The following YBX1 variants were observed in gnomAD, a reference collection of about 807,000 sequenced individuals.
YBX1 encodes Y-box binding protein 1.
Under a neutral mutation model 41.4 loss-of-function variants are expected in YBX1, and 3 were observed. The observed-to-expected ratio is 0.07, with a 90% CI of 0.03 to 0.19. YBX1 has a LOEUF of 0.19. YBX1 is among the 10% of genes least tolerant of loss of function. The probability of loss-of-function intolerance (pLI) is 1.00; values close to 1 mark genes in which losing one functional copy is unlikely to be tolerated. For synonymous variants in YBX1, 133 were observed against 165.8 expected, an observed-to-expected ratio of 0.80 and a Z score of 1.52; for missense variants, 274 against 462.8, an observed-to-expected ratio of 0.59 and a Z score of 3.74.
At chr1:42,698,707 C>T (rs1650520345) in intron 6 of YBX1, among the ~76,000 whole-genome samples, 1 of 152,118 alleles carries the variant, frequency 6.6e-6, no homozygotes, top group Non-Finnish European at 1.5e-5. Flanking sequence ...GTATCTTTGT[C>T]CATTGTTACC....
At chr1:42,690,261 A>G (rs1650297597) in intron 2 of YBX1, among the ~76,000 whole-genome samples, 1 of 140,012 alleles carries the variant, frequency 7.1e-6, no homozygotes, top group South Asian at 2.3e-4. Context: ...TTTTTTTTTT[A>G]AGATCTGCAA....
intron 6 of YBX1, among the ~76,000 whole-genome samples, chr1:42,700,033 G>A (rs1401802528): frequency 1.3e-5 from 2 of 152,168 alleles, no homozygotes; most frequent in East Asian, 3.9e-4. Context: ...TTTAGAAACT[G>A]GGAGAGTTGA....
At chr1:42,684,355 C>G (rs140389605) in intron 2 of YBX1, among the ~76,000 whole-genome samples, 1 of 152,350 alleles carries the variant, frequency 6.6e-6, no homozygotes, top group African/African-American at 2.4e-5. Context: ...GTGCTAGTTA[C>G]ATGGGTGCAG....
chr1:42,683,310 G>A (rs1557527375), intron 1 of YBX1, 93 bp from the exon 2 acceptor site: 3 of 1,484,904 alleles, frequency 2.0e-6, no homozygotes, highest in East Asian at 4.5e-5. Flanking sequence ...GGCCGCGGCG[G>A]CCGGCGTGCG....
chr1:42,683,007 C>G (rs1334953586), intron 1 of YBX1: 1 of 260,448 alleles, frequency 3.8e-6, no homozygotes, highest in South Asian at 3.3e-5. Flanking sequence ...ACGGGGTCCC[C>G]TCCCCGCCGA....
At chr1:42,690,960 CTG>C (rs1650314711) in intron 2 of YBX1, among the ~76,000 whole-genome samples, 1 of 152,280 alleles carries the variant, frequency 6.6e-6, no homozygotes, top group South Asian at 2.1e-4. Flanking sequence ...GAGAGAAAAA[CTG>C]AACAGAAAAG....
chr1:42,701,462 G>A (rs944570299), intron 7 of YBX1, among the ~76,000 whole-genome samples: 1 of 151,718 alleles, frequency 6.6e-6, no homozygotes, highest in Non-Finnish European at 1.5e-5. Context: ...TAACCTAGAT[G>A]GTGACAAATA....
intron 6 of YBX1, among the ~76,000 whole-genome samples, chr1:42,698,851 C>T (rs768894438): frequency 7.2e-5 from 11 of 152,164 alleles, no homozygotes; most frequent in Non-Finnish European, 1.3e-4. Flanking sequence ...TCAATGAATG[C>T]TAGACTTTCC....
At chr1:42,691,898 G>A (rs1215739321) in intron 2 of YBX1, among the ~76,000 whole-genome samples, 3 of 151,668 alleles carry the variant, frequency 2.0e-5, no homozygotes, top group Non-Finnish European at 2.9e-5. Flanking sequence ...ATCTCACTCT[G>A]TTGCCCAGGC....
rs1034762350 is a variant in YBX1 at position 42,693,412 on chromosome 1, GTC to G, written c.231-74_231-73del. ...CTGGTACCTAATTGGCAGCCAGAGA[GTC>G]TCTGGGAAAATTAATCTTTGACAAC... is the stretch of plus-strand genomic sequence containing the variant. On this transcript the variant is annotated intron_variant, in intron 2 of 7. Transcript: ENST00000321358. The G allele has an allele frequency of 2.7e-5, 41 of 1,537,704 alleles. No homozygotes were observed. The African/African-American group carries it at 5.2e-4, about 19-fold the overall frequency.
Position 42,700,973 on chromosome 1 carries a change from G to A in YBX1, c.933G>A (p.Glu311=). The change falls in exon 7 of 8, where the codon GAG becomes GAA. Residue 311 remains glutamate, a synonymous_variant. Coordinates refer to ENST00000321358, the MANE Select transcript of YBX1 (RefSeq NM_004559.5). ...CAAAAGCAGCCGATCCACCAGCTGA[G>A]AATTCGTCCGCTCCCGAGGCTGAGC... ...KETKAADPPA[E]NSSAPEAEQG... is the part of the protein sequence containing the mutation. 6.2e-7 allele frequency: 1 copy of A among 1,614,162 alleles called. No homozygotes were observed. Among genetic ancestry groups the A allele is most frequent in the East Asian group, 2.2e-5 (1 of 44,888 alleles).
chr1:42,701,036 C>T lies in YBX1; in HGVS notation c.*21C>T, dbSNP rs775917560. Reference sequence around the variant, plus strand: ...AGTAAATGCCGGCTTACCATCTCTACCATCATCCGGGTAAGCAAGCTTGGA... The same window carrying T: ...AGTAAATGCCGGCTTACCATCTCTATCATCATCCGGGTAAGCAAGCTTGGA... On this transcript the variant is annotated 3_prime_UTR_variant, in exon 7 of 8. Transcript: ENST00000321358. 2 of 1,612,464 alleles carry T rather than the reference C, an allele frequency of 1.2e-6. No individual in the cohort carries two copies. Among genetic ancestry groups the T allele is most frequent in the Non-Finnish European group, 1.7e-6 (2 of 1,178,544 alleles).
rs138790035 is a variant in YBX1, at chr1:42,690,582, T to C, written c.231-2908T>C. On this transcript the variant is annotated intron_variant, in intron 2 of 7. Transcript: ENST00000321358. The stretch of plus-strand genomic sequence containing the variant: ...GCAAATCTAATTGTACATATGTATG[T>C]GTCAGACTGTGCAGGTGGCCAAGAA... Among the ~76,000 whole-genome samples, 55 of 152,326 alleles carry C rather than the reference T, an allele frequency of 3.6e-4. No homozygotes were observed. The East Asian group carries it at 0.01, about 29-fold the overall frequency.
rs772779381 is a variant in YBX1, at chr1:42,683,405, A to G, written c.169A>G (p.Thr57Ala). 37 of 1,614,098 alleles carry G rather than the reference A, an allele frequency of 2.3e-5. No individual in the cohort carries two copies. Among genetic ancestry groups the G allele is most frequent in the East Asian group, 8.9e-5 (4 of 44,898 alleles). ...PAGGDKKVIA[T>A]KVLGTVKWFN... ...TTTTGCTTTGTTTTCTTTTCCAGCA[A>G]CGAAGGTTTTGGGAACAGTAAAATG... The change falls in exon 2 of 8, where the codon ACG becomes GCG. Residue 57 changes from threonine (T) to alanine (A), a missense_variant and splice_region_variant. Around this residue, in one of 3 missense-constraint regions of YBX1, gnomAD observed 84 missense variants for 130.8 expected, o/e 0.64. Coordinates refer to ENST00000321358, the MANE Select transcript of YBX1 (RefSeq NM_004559.5).
intron 3 of YBX1, 63 bp downstream of exon 3, chr1:42,693,586 A>G: frequency 1.3e-6 from 2 of 1,567,366 alleles, no homozygotes; most frequent in Non-Finnish European, 1.8e-6. Flanking sequence ...AAGGTTAGAT[A>G]TGTTCTCAGC....
intron 3 of YBX1, among the ~76,000 whole-genome samples, chr1:42,695,609 C>T (rs1397384948): frequency 1.3e-5 from 2 of 152,176 alleles, no homozygotes; most frequent in Non-Finnish European, 2.9e-5. Context: ...TTATTGAATT[C>T]TGGGGAGGTG....
rs373941440 is a variant in YBX1 at position 42,702,918 on chromosome 1, C to A, written c.*969C>A. Among the ~76,000 whole-genome samples, 15 of 152,088 alleles carry A rather than the reference C, an allele frequency of 9.9e-5. No homozygotes were observed. The highest frequency in any genetic ancestry group is 2.7e-4 in the African/African-American group (11 of 41,406). ...GGTTCTCAACACCTTAAATCCTAAG[C>A]CTAGTCTGGCTGATCTTTTCTCTTT... On this transcript the variant is annotated 3_prime_UTR_variant, in exon 8 of 8. Transcript: ENST00000321358.
Position 42,702,525 on chromosome 1 carries a change from T to C in YBX1, c.*576T>C, listed in dbSNP as rs1401159158. The stretch of plus-strand genomic sequence containing the variant: ...CATGCCTGTGGGCCCATACTAAAAA[T>C]TAGAAAATACATACTCTGATAACCT... On this transcript the variant is annotated 3_prime_UTR_variant, in exon 8 of 8. Transcript: ENST00000321358. Among the ~76,000 whole-genome samples, 1 of 152,188 alleles carries C rather than the reference T, an allele frequency of 6.6e-6. No homozygotes were observed. The highest frequency in any genetic ancestry group is 1.9e-4 in the East Asian group (1 of 5,198).
At chr1:42,687,462 A>G (rs1051582098) in intron 2 of YBX1, among the ~76,000 whole-genome samples, 1 of 152,080 alleles carries the variant, frequency 6.6e-6, no homozygotes, top group Non-Finnish European at 1.5e-5. Flanking sequence ...TTGTATTTTT[A>G]GTGGAAACAG....
Sources: allele counts gnomAD v4.1 joint callset (sites outside exome capture counted in the v4.1 genomes callset), GRCh38; gene constraint gnomAD v4.1.1; regional missense constraint gnomAD v4.1.1; transcripts MANE v1.5; gene names NCBI Gene and HGNC (gene_info 2026-07-23, HGNC 2026-07-21).